DGKI: variants seen among roughly 807,000 people sequenced by gnomAD.
The protein encoded by DGKI is diacylglycerol kinase iota, also known as DAG kinase iota.
In DGKI, 55 loss-of-function variants were observed where a neutral mutation model predicts 147.5. The observed-to-expected ratio is 0.37, with a 90% CI of 0.30 to 0.47. The LOEUF (loss-of-function observed/expected upper bound fraction) is 0.47. DGKI is among the 20% of genes least tolerant of loss of function. The pLI is 1.00. For synonymous variants in DGKI, 469 were observed against 477.1 expected (o/e 0.98, Z 0.22); for missense variants, 1,007 against 1,323.8 (o/e 0.76, Z 3.71).
intron 29 of DGKI, among the ~76,000 whole-genome samples, chr7:137,409,092 C>G (rs1812068515): frequency 6.6e-6 from 1 of 152,036 alleles, no homozygotes; most frequent in South Asian, 2.1e-4. Context: ...TTTTAAATAG[C>G]TAGAAGGAGG....
At chr7:137,552,188 T>A (rs909564903) in intron 20 of DGKI, among the ~76,000 whole-genome samples, 181 bp downstream of exon 20, 6 of 152,168 alleles carry the variant, frequency 3.9e-5, no homozygotes, top group Non-Finnish European at 5.9e-5. Flanking sequence ...GGCATGGAAC[T>A]GTATAATAAA....
At chr7:137,568,659 T>C (rs560968759) in intron 19 of DGKI, among the ~76,000 whole-genome samples, 47 of 152,316 alleles carry the variant, frequency 3.1e-4, no homozygotes, top group African/African-American at 1.1e-3. Context: ...TTTGCAAATA[T>C]CACTCCTATC....
intron 6 of DGKI, among the ~76,000 whole-genome samples, chr7:137,633,212 CA>C (rs575170478): frequency 1.8e-3 from 117 of 65,710 alleles, no homozygotes; most frequent in South Asian, 3.8e-3. Flanking sequence ...AACTCGTTCT[CA>C]AAAAAAAAAA....
At position 137,649,927 on chromosome 7, in the gene DGKI, C is replaced by T. The variant is rs192469942; in HGVS notation, c.739-4390G>A. 1.8e-3 allele frequency among the ~76,000 whole-genome samples: 269 copies of T among 152,008 alleles called. 2 individuals carry two copies. The highest frequency in any genetic ancestry group is 3.4e-3 in the Middle Eastern group (1 of 294). ...TATTTAAAACTTGTCACATGTCAGG[C>T]ACTATGCAAATGCCAGGGCATAGTG... On this transcript the variant is annotated intron_variant, in intron 5 of 32. Transcript: ENST00000614521.
intron 8 of DGKI, among the ~76,000 whole-genome samples, chr7:137,615,531 A>ATGTGTGTGTGTGTGTGTGTG: frequency 7.4e-6 from 1 of 135,760 alleles, no homozygotes; most frequent in South Asian, 2.4e-4. Context: ...ATATGTATGT[A>ATGTGTGTGTGTGTGTGTGTG]TGTGTGTGTG....
chr7:137,638,623 T>TACAC (rs1320453535), intron 6 of DGKI, among the ~76,000 whole-genome samples: 1 of 2,750 alleles, frequency 3.6e-4, no homozygotes, highest in Non-Finnish European at 6.2e-4. Flanking sequence ...CACACACACA[T>TACAC]ATATATGTGT....
chr7:137,831,157 T>C (rs1250838780), intron 1 of DGKI, among the ~76,000 whole-genome samples: 3 of 152,224 alleles, frequency 2.0e-5, no homozygotes, highest in African/African-American at 7.2e-5. Flanking sequence ...TCTCTGGCAC[T>C]GAGGACATTC....
intron 6 of DGKI, among the ~76,000 whole-genome samples, chr7:137,624,887 T>C (rs1820880519): frequency 6.6e-6 from 1 of 151,780 alleles, no homozygotes; most frequent in Non-Finnish European, 1.5e-5. Context: ...ATTATAGGCG[T>C]GAGCCATCTC....
chr7:137,771,718 T>C (rs1355227051), intron 1 of DGKI: 3 of 152,194 alleles, frequency 2.0e-5, no homozygotes, highest in African/African-American at 7.2e-5. Context: ...TGTGACCTCA[T>C]TAACGACTGA....
chr7:137,397,480 TA>T, intron 30 of DGKI, 67 bp from the exon 31 acceptor site: 1 of 1,508,476 alleles, frequency 6.6e-7, no homozygotes, highest in Non-Finnish European at 9.1e-7. Context: ...ACAGAAAATC[TA>T]TAGTCACAGA....
At chr7:137,518,993 T>TC (rs1208696805) in intron 21 of DGKI, among the ~76,000 whole-genome samples, 1 of 152,050 alleles carries the variant, frequency 6.6e-6, no homozygotes, top group Admixed American at 6.6e-5. Flanking sequence ...GAATAGACTG[T>TC]CCCCTCTTGC....
intron 6 of DGKI, among the ~76,000 whole-genome samples, chr7:137,635,615 C>T (rs1252638479): frequency 2.0e-5 from 3 of 152,206 alleles, no homozygotes; most frequent in Non-Finnish European, 4.4e-5. Flanking sequence ...ATCCACTGGA[C>T]TATCACGGCC....
chr7:137,668,651 T>C (rs1165362954), intron 3 of DGKI, among the ~76,000 whole-genome samples: 1 of 152,200 alleles, frequency 6.6e-6, no homozygotes, highest in Non-Finnish European at 1.5e-5. Flanking sequence ...TGCTGTAGTG[T>C]TGGAGACAGA....
chr7:137,726,054 A>G (rs1304981479), intron 1 of DGKI, among the ~76,000 whole-genome samples: 1 of 151,954 alleles, frequency 6.6e-6, no homozygotes, highest in African/African-American at 2.4e-5. Context: ...TTAAACCCCA[A>G]CTCCTATCTC....
intron 27 of DGKI, among the ~76,000 whole-genome samples, chr7:137,447,959 T>C (rs1227402866): frequency 1.3e-5 from 2 of 152,018 alleles, no homozygotes; most frequent in Admixed American, 6.6e-5. Context: ...GGATGAGAAA[T>C]GGTAAAGGAA....
intron 1 of DGKI, among the ~76,000 whole-genome samples, chr7:137,800,446 A>G (rs1336480910): frequency 1.3e-5 from 2 of 152,032 alleles, no homozygotes; most frequent in African/African-American, 4.8e-5. Context: ...ACCTCCCCCC[A>G]ACTCTCAGTT....
intron 1 of DGKI, among the ~76,000 whole-genome samples, chr7:137,787,951 AG>A (rs1796722955): frequency 6.6e-6 from 1 of 152,074 alleles, no homozygotes; most frequent in African/African-American, 2.4e-5. Context: ...ACACTGCTCA[AG>A]TGATGGTGCA....
chr7:137,817,470 A>G (rs1414493708), intron 1 of DGKI, among the ~76,000 whole-genome samples: 1 of 152,240 alleles, frequency 6.6e-6, no homozygotes, highest in Non-Finnish European at 1.5e-5. Context: ...CAATAATAAC[A>G]AAGTGTTTAT....
chr7:137,544,557 A>C (rs1817805824), intron 20 of DGKI, among the ~76,000 whole-genome samples: 1 of 152,238 alleles, frequency 6.6e-6, no homozygotes, highest in South Asian at 2.1e-4. Flanking sequence ...AATAATAAGT[A>C]AATTAGTATC....
Sources: allele counts gnomAD v4.1 joint callset (sites outside exome capture counted in the v4.1 genomes callset), GRCh38; gene constraint gnomAD v4.1.1; transcripts MANE v1.5; gene names NCBI Gene and HGNC (gene_info 2026-07-23, HGNC 2026-07-21).